Variants in ADAM10 observed in about 807,000 individuals in gnomAD.
ADAM10 encodes disintegrin and metalloproteinase domain-containing protein 10.
Under a neutral mutation model 90.1 loss-of-function variants are expected in ADAM10, and 17 were observed. The ratio of observed to expected loss-of-function variants is 0.19; its 90% CI spans 0.13 to 0.28. The LOEUF (loss-of-function observed/expected upper bound fraction) is 0.28, where lower values mean the gene tolerates loss of function less well. Ranked by LOEUF, ADAM10 falls within the 10% of genes least tolerant of loss-of-function variation. ADAM10 has a pLI of 1.00. For synonymous variants in ADAM10, 310 were observed against 298.6 expected, an observed-to-expected ratio of 1.04 and a Z score of -0.40; for missense variants, 610 against 914.3, an observed-to-expected ratio of 0.67 and a Z score of 4.29.
intron 2 of ADAM10, among the ~76,000 whole-genome samples, chr15:58,709,811 T>C (rs1898415909): frequency 6.6e-6 from 1 of 152,072 alleles, no homozygotes; most frequent in African/African-American, 2.4e-5. Context: ...TAGATTACCT[T>C]TTAGAGGAAA....
intron 9 of ADAM10, among the ~76,000 whole-genome samples, chr15:58,631,450 A>T (rs929646462): frequency 2.0e-5 from 3 of 152,228 alleles, no homozygotes; most frequent in Non-Finnish European, 2.9e-5. Flanking sequence ...AAGAGATTAC[A>T]CAAGAAGTGA....
chr15:58,603,367 T>C (rs1285053932), intron 14 of ADAM10, among the ~76,000 whole-genome samples: 2 of 152,160 alleles, frequency 1.3e-5, no homozygotes, highest in Non-Finnish European at 2.9e-5. Context: ...CAAATGCCAG[T>C]AGAGCCCCTT....
intron 5 of ADAM10, among the ~76,000 whole-genome samples, chr15:58,647,246 G>GTTT (rs1323960397): frequency 1.5e-3 from 57 of 36,846 alleles, no homozygotes; most frequent in Non-Finnish European, 2.6e-3. Flanking sequence ...TAGACACTAA[G>GTTT]TATTTTTTTT....
intron 2 of ADAM10, among the ~76,000 whole-genome samples, chr15:58,711,175 T>C (rs980312907): frequency 6.6e-6 from 1 of 152,200 alleles, no homozygotes; most frequent in African/African-American, 2.4e-5. Context: ...TTGTATATTC[T>C]CCAAACAATT....
intron 6 of ADAM10, among the ~76,000 whole-genome samples, chr15:58,645,035 A>G (rs1049997372): frequency 5.3e-5 from 8 of 152,228 alleles, no homozygotes; most frequent in African/African-American, 1.9e-4. Context: ...TTCATTTACA[A>G]AAAGTACTCT....
chr15:58,621,347 C>A (rs1895780894), intron 11 of ADAM10, 124 bp downstream of exon 11: 4 of 958,720 alleles, frequency 4.2e-6, no homozygotes, highest in Non-Finnish European at 4.4e-6. Flanking sequence ...AAAAAGAAAA[C>A]AAACAACAGA....
rs554821063 is a variant in ADAM10 at position 58,687,242 on chromosome 15, T to C, written c.207-4928A>G. On this transcript the variant is annotated intron_variant, in intron 2 of 15. Transcript: ENST00000260408. The stretch of plus-strand genomic sequence containing the variant: ...TAGCAAACTTGTTTGGAAAAGTTAA[T>C]GTTATGATGTGCATTAGGCTGCCCC... Among the ~76,000 whole-genome samples, 40 of 152,310 alleles carry C rather than the reference T, an allele frequency of 2.6e-4. 2 individuals are homozygous for C. In the South Asian group the frequency reaches 3.5e-3, roughly 13 times the overall value.
intron 11 of ADAM10, 117 bp downstream of exon 11, chr15:58,621,354 C>T: frequency 8.6e-7 from 1 of 1,158,196 alleles, no homozygotes; most frequent in South Asian, 1.3e-5. Context: ...AAACAAACAA[C>T]AGATAAAAGC....
intron 4 of ADAM10, among the ~76,000 whole-genome samples, chr15:58,671,639 C>T (rs971177662): frequency 3.3e-5 from 5 of 152,118 alleles, no homozygotes; most frequent in Admixed American, 6.6e-5. Context: ...TTTAGGAGTC[C>T]GCGGCAGGAG....
chr15:58,613,774 C>G (rs1895519431), intron 11 of ADAM10, among the ~76,000 whole-genome samples: 1 of 152,070 alleles, frequency 6.6e-6, no homozygotes, highest in South Asian at 2.1e-4. Context: ...GGAAGAAAGT[C>G]TATAAGACTT....
chr15:58,632,604 G>A (rs918120816), intron 9 of ADAM10, among the ~76,000 whole-genome samples: 1 of 152,168 alleles, frequency 6.6e-6, no homozygotes, highest in South Asian at 2.1e-4. Flanking sequence ...GCTGATCCCT[G>A]TTCTGAATCA....
At chr15:58,742,476 T>C (rs1359098513) in intron 1 of ADAM10, among the ~76,000 whole-genome samples, 1 of 152,206 alleles carries the variant, frequency 6.6e-6, no homozygotes, top group Non-Finnish European at 1.5e-5. Context: ...ATTTTCAACT[T>C]ATGATGAGTC....
Position 58,728,702 on chromosome 15 carries a change from C to T in ADAM10, c.56-10975G>A, listed in dbSNP as rs185034053. On this transcript the variant is annotated intron_variant, in intron 1 of 15. Transcript: ENST00000260408. ...TAAAGTTACAAAAGTTATAAAATTTCCCTAAGTTACAAAATTTTTTAAAAT... is the reference window on the plus strand; with the variant it reads ...TAAAGTTACAAAAGTTATAAAATTTTCCTAAGTTACAAAATTTTTTAAAAT... Among the ~76,000 whole-genome samples the T allele has an allele frequency of 7.9e-5, 12 of 152,166 alleles. No homozygotes were observed. The East Asian group carries it at 2.3e-3, about 29-fold the overall frequency.
rs1899212218 is a variant in ADAM10, at chr15:58,730,853, T to C, written c.56-13126A>G. 1.3e-5 allele frequency among the ~76,000 whole-genome samples: 2 copies of C among 152,192 alleles called. 1 individual carries two copies. Among genetic ancestry groups the C allele is most frequent in the Non-Finnish European group, 2.9e-5 (2 of 68,030 alleles). On this transcript the variant is annotated intron_variant, in intron 1 of 15. Transcript: ENST00000260408. Reference sequence around the variant, plus strand: ...GGAGGAAAAGAAAATTCTCCCTCTCTTTCCCCTCGGGACATCAGGACTCCA... The same window carrying C: ...GGAGGAAAAGAAAATTCTCCCTCTCCTTCCCCTCGGGACATCAGGACTCCA...
rs545646453 is a variant in ADAM10, at chr15:58,742,063, A to G, written c.55+7417T>C. Among the ~76,000 whole-genome samples the G allele has an allele frequency of 3.3e-4, 51 of 152,320 alleles. 1 individual carries two copies. Among genetic ancestry groups the G allele is most frequent in the African/African-American group, 1.1e-3 (47 of 41,566 alleles). On this transcript the variant is annotated intron_variant, in intron 1 of 15. Transcript: ENST00000260408. ...GCAACTACAATATATAATTGGAAGT[A>G]TATTTTTATATTTTGGCATTTCATT... is the stretch of plus-strand genomic sequence containing the variant.
In ADAM10 at chr15:58,633,339, C is replaced by T. The variant is rs1449243661; in HGVS notation, c.1033G>A (p.Glu345Lys). The change falls in exon 9 of 16, where the codon GAA becomes AAA. Residue 345 changes from glutamate (E) to lysine (K), a missense_variant. Glu to Lys is a moderately conservative substitution (Grantham distance 56, BLOSUM62 1). This residue lies in a region of ADAM10 where 97 missense variants were observed against 221.4 expected (regional missense o/e 0.44). Transcript: ENST00000260408. ...APSGSSGGIC[E>K]KSKLYSDGKK... ...CCATCTGAATAGAGTTTACTTTTTT[C>T]ACATATTCCTCCAGAGCTTCCTAAT... 1 of 1,613,408 alleles carries T rather than the reference C, an allele frequency of 6.2e-7. No individual in the cohort carries two copies. The highest frequency in any genetic ancestry group is 1.3e-5 in the African/African-American group (1 of 74,874).
chr15:58,745,843 T>G (rs1283175912), intron 1 of ADAM10, among the ~76,000 whole-genome samples: 1 of 152,306 alleles, frequency 6.6e-6, no homozygotes, highest in East Asian at 1.9e-4. Flanking sequence ...ACTGCCCTAC[T>G]GCTCAGCTCT....
intron 5 of ADAM10, among the ~76,000 whole-genome samples, chr15:58,646,743 T>C (rs1308256402): frequency 2.6e-5 from 4 of 152,236 alleles, no homozygotes; most frequent in Non-Finnish European, 5.9e-5. Context: ...ACCTCAATAA[T>C]GTATTTCAAT....
chr15:58,598,902 C>T (rs1170389866), intron 15 of ADAM10, among the ~76,000 whole-genome samples: 2 of 152,132 alleles, frequency 1.3e-5, no homozygotes, highest in African/African-American at 2.4e-5. Context: ...CTTGACTGTG[C>T]TTATTTGATG....
Sources: gnomAD v4.1 joint callset for allele counts (sites outside exome capture counted in the v4.1 genomes callset) on GRCh38, gnomAD v4.1.1 for gene constraint, gnomAD v4.1.1 regional missense constraint, MANE v1.5 for transcripts, NCBI Gene and HGNC (gene_info 2026-07-23, HGNC 2026-07-21) for gene names.